The following SLC14A2 variants were observed in gnomAD, a reference collection of about 807,000 sequenced individuals.
SLC14A2 encodes solute carrier family 14 member 2.
A neutral mutation model predicts 104.6 loss-of-function variants in SLC14A2; 91 were observed. The observed-to-expected ratio is 0.87, with a 90% CI of 0.73 to 1.04. The LOEUF is 1.04. Ranked by LOEUF, SLC14A2 falls within the 50% of genes least tolerant of loss-of-function variation. The probability of loss-of-function intolerance (pLI) is 0.00; values close to 1 mark genes in which losing one functional copy is unlikely to be tolerated. For synonymous variants in SLC14A2, 476 were observed against 466.4 expected (o/e 1.02, Z -0.27); for missense variants, 1,189 against 1,156.0 (o/e 1.03, Z -0.41).
chr18:45,260,058 T>C lies in SLC14A2; in HGVS notation c.-125+46867T>C, dbSNP rs184276611. Among the ~76,000 whole-genome samples the C allele has an allele frequency of 9.2e-5, 14 of 152,340 alleles. No individual in the cohort carries two copies. In the East Asian group the frequency reaches 2.5e-3, roughly 27 times the overall value. ...GACAGAGTTCAGGGAAGACCAGTTC[T>C]AGCACTAGAGAATTTTCTATTTTCC... On this transcript the variant is annotated intron_variant, in intron 1 of 20. Transcript: ENST00000586448.
At chr18:45,366,967 A>G (rs1380171276) in intron 1 of SLC14A2, among the ~76,000 whole-genome samples, 1 of 152,230 alleles carries the variant, frequency 6.6e-6, no homozygotes, top group Non-Finnish European at 1.5e-5. Context: ...ATCACACAGC[A>G]TGCAGAGGCC....
In SLC14A2 at chr18:45,436,886, G is replaced by A. The variant is rs183331597; in HGVS notation, c.-124-46347G>A. On this transcript the variant is annotated intron_variant, in intron 1 of 20. Transcript: ENST00000586448. Reference sequence around the variant, plus strand: ...TATTCACATCAAAAGGTGGGTGCAAGGGAAAGGGGATAGAATTCCACTGAA... The same window carrying A: ...TATTCACATCAAAAGGTGGGTGCAAAGGAAAGGGGATAGAATTCCACTGAA... Among the ~76,000 whole-genome samples the A allele has an allele frequency of 3.1e-3, 467 of 152,226 alleles. 1 individual carries two copies. Among genetic ancestry groups the A allele is most frequent in the Non-Finnish European group, 5.1e-3 (348 of 68,008 alleles).
At chr18:45,315,046 A>C (rs1286377658) in intron 1 of SLC14A2, among the ~76,000 whole-genome samples, 1 of 152,198 alleles carries the variant, frequency 6.6e-6, no homozygotes, top group Non-Finnish European at 1.5e-5. Flanking sequence ...GGAGTTAAGC[A>C]TACAAAAACA....
intron 1 of SLC14A2, among the ~76,000 whole-genome samples, chr18:45,467,506 G>T (rs549794227): frequency 2.0e-5 from 3 of 152,128 alleles, no homozygotes; most frequent in Non-Finnish European, 2.9e-5. Context: ...GTCTGGCTTG[G>T]GTCACGTGCC....
intron 1 of SLC14A2, among the ~76,000 whole-genome samples, chr18:45,443,117 G>T (rs1385150853): frequency 6.6e-6 from 1 of 152,192 alleles, no homozygotes; most frequent in African/African-American, 2.4e-5. Context: ...AGTTTCCCCA[G>T]TATATTAGTT....
At chr18:45,404,612 T>C (rs2086133428) in intron 1 of SLC14A2, among the ~76,000 whole-genome samples, 1 of 152,210 alleles carries the variant, frequency 6.6e-6, no homozygotes, top group Non-Finnish European at 1.5e-5. Flanking sequence ...CCCCCATCGC[T>C]AGTGAGTCAG....
rs536363235 is a variant in SLC14A2, at chr18:45,389,872, T to C, written c.-124-93361T>C. Among the ~76,000 whole-genome samples, 14 of 152,316 alleles carry C rather than the reference T, an allele frequency of 9.2e-5. No homozygotes were observed. In the South Asian group the frequency reaches 2.5e-3, roughly 27 times the overall value. On this transcript the variant is annotated intron_variant, in intron 1 of 20. Coordinates refer to the SLC14A2 transcript ENST00000586448. ...CTGAAAAAAGATCTTTGCATTTTGA[T>C]GGATATCCAAACTTTAATCTTCGAG...
chr18:45,668,454 C>T lies in SLC14A2; in HGVS notation c.2013C>T (p.Pro671=), dbSNP rs938257269. 25 of 1,613,972 alleles carry T rather than the reference C, an allele frequency of 1.5e-5. No individual in the cohort carries two copies. The Admixed American group carries it at 2.3e-4, about 15-fold the overall frequency. Residue 671 remains proline, a synonymous_variant, in exon 15 of 20, where the codon CCC becomes CCT. Transcript: ENST00000255226. ...KGDYYWWLLL[P]VIIMSMSCPI... ...ACTACTACTGGTGGCTGTTGCTACCCGTCATCATCATGTCCATGTCTTGGT... is the reference window on the plus strand; with the variant it reads ...ACTACTACTGGTGGCTGTTGCTACCTGTCATCATCATGTCCATGTCTTGGT...
At chr18:45,631,860 C>T (rs1247636977) in intron 4 of SLC14A2, among the ~76,000 whole-genome samples, 1 of 152,212 alleles carries the variant, frequency 6.6e-6, no homozygotes, top group Non-Finnish European at 1.5e-5. Context: ...TGCAAGTCAT[C>T]TTCCCACCTT....
At chr18:45,447,717 A>G (rs1012196829) in intron 1 of SLC14A2, 3 of 152,214 alleles carry the variant, frequency 2.0e-5, no homozygotes, top group Non-Finnish European at 4.4e-5. Context: ...ATGGACTTTG[A>G]GATCTATCTG....
intron 11 of SLC14A2, among the ~76,000 whole-genome samples, chr18:45,665,688 C>CTTTCTTTTTTTTTTTTTTT (rs371437384): frequency 1.3e-5 from 1 of 79,294 alleles, no homozygotes; most frequent in African/African-American, 5.5e-5. Context: ...AACCAAGTTT[C>CTTTCTTTTTTTTTTTTTTT]TTTTTTTTTT....
chr18:45,643,268 C>T (rs563683371), intron 9 of SLC14A2, 87 bp downstream of exon 9: 146 of 1,186,574 alleles, frequency 1.2e-4, no homozygotes, highest in Non-Finnish European at 1.5e-4. Flanking sequence ...GGGAAAGGAA[C>T]ATTGAGCGGG....
At chr18:45,387,293 C>A (rs2085908231) in intron 1 of SLC14A2, among the ~76,000 whole-genome samples, 1 of 152,168 alleles carries the variant, frequency 6.6e-6, no homozygotes, top group Non-Finnish European at 1.5e-5. Flanking sequence ...AGTATTAAAC[C>A]CATAGCTTGC....
At chr18:45,340,899 T>C (rs1031019698) in intron 1 of SLC14A2, among the ~76,000 whole-genome samples, 6 of 152,120 alleles carry the variant, frequency 3.9e-5, no homozygotes, top group African/African-American at 1.4e-4. Flanking sequence ...CAAAGGGTGG[T>C]CCCTGCTGGG....
intron 1 of SLC14A2, chr18:45,483,025 C>T (rs1383082384): frequency 1.3e-5 from 2 of 152,178 alleles, no homozygotes; most frequent in South Asian, 2.1e-4. Flanking sequence ...ATGAAACACT[C>T]TTTAAGTGTT....
rs558140129 is a variant in SLC14A2 at position 45,482,762 on chromosome 18, T to A, written c.-124-471T>A. On this transcript the variant is annotated intron_variant, in intron 1 of 20. Coordinates refer to the SLC14A2 transcript ENST00000586448. ...TGATATTCAATTGGTTGGATGTAAGTCAGAAGTTCAGCCCACACTCAAATG... is the reference window on the plus strand; with the variant it reads ...TGATATTCAATTGGTTGGATGTAAGACAGAAGTTCAGCCCACACTCAAATG... 3.3e-5 allele frequency among the ~76,000 whole-genome samples: 5 copies of A among 152,030 alleles called. No individual in the cohort carries two copies. The South Asian group carries it at 1.0e-3, about 32-fold the overall frequency.
At chr18:45,521,204 T>C (rs1368144237) in intron 2 of SLC14A2, among the ~76,000 whole-genome samples, 6 of 152,258 alleles carry the variant, frequency 3.9e-5, no homozygotes, top group Admixed American at 6.5e-5. Context: ...AGTTTGATGA[T>C]GGGCTTTGCT....
chr18:45,168,031 G>A, the SLC14A2 span, among the ~76,000 whole-genome samples: 125 of 152,264 alleles, frequency 8.2e-4, 1 homozygote, highest in African/African-American at 2.7e-3. Context: ...TGGCCAGCTC[G>A]ACAGAGAGCC....
chr18:45,447,276 TAGCA>T, intron 1 of SLC14A2: 1 of 152,314 alleles, frequency 6.6e-6, no homozygotes, highest in East Asian at 1.9e-4. Context: ...TGCCCCAAGC[TAGCA>T]TCAAGGACAC....
Sources: allele counts gnomAD v4.1 joint callset (sites outside exome capture counted in the v4.1 genomes callset), GRCh38; gene constraint gnomAD v4.1.1; transcripts MANE v1.5; gene names NCBI Gene and HGNC (gene_info 2026-07-23, HGNC 2026-07-21).